The following ZNF146 variants were observed in gnomAD, a reference collection of about 807,000 sequenced individuals.
The protein encoded by ZNF146 is zinc finger protein OZF.
ZNF146 carries 9 observed loss-of-function variants against 22.2 expected under a neutral mutation model. That is an observed-to-expected ratio of 0.41 (90% CI 0.24 to 0.71). The LOEUF is 0.71. Among genes scored for constraint, ZNF146 ranks in the 30% least tolerant of loss-of-function variants. The pLI is 0.34. For missense variants in ZNF146, 194 were observed against 344.8 expected (o/e 0.56, Z 3.46); for synonymous variants, 108 against 119.2 (o/e 0.91, Z 0.61).
rs1977657731 is a variant in ZNF146, at chr19:36,236,723, A to G, written c.283A>G (p.Thr95Ala). The change falls in exon 4 of 4, where the codon ACT (threonine) becomes GCT (alanine). Residue 95 changes from threonine to alanine, a missense_variant. Coordinates refer to ENST00000443387, the MANE Select transcript of ZNF146 (RefSeq NM_007145.3). ...ENLLTHQKIH[T>A]GEKPFECKDC... ...CCTCCTTACGCACCAGAAAATTCAC[A>G]CTGGAGAAAAACCTTTTGAGTGTAA... 6.2e-7 allele frequency: 1 copy of G among 1,614,080 alleles called. No individual in the cohort carries two copies. Among genetic ancestry groups the G allele is most frequent in the African/African-American group, 1.3e-5 (1 of 74,944 alleles).
intron 3 of ZNF146, among the ~76,000 whole-genome samples, chr19:36,229,806 G>A (rs943882668): frequency 6.6e-6 from 1 of 152,160 alleles, no homozygotes; most frequent in Non-Finnish European, 1.5e-5. Flanking sequence ...TGCAACCTCC[G>A]CCTCCTGGGG....
Position 36,238,168 on chromosome 19 carries a change from A to G in ZNF146, c.*849A>G, listed in dbSNP as rs1487453596. On this transcript the variant is annotated 3_prime_UTR_variant, in exon 4 of 4. Coordinates refer to ENST00000443387, the MANE Select transcript of ZNF146 (RefSeq NM_007145.3). Reference sequence around the variant, plus strand: ...GTAAAATGCAACAAATGAAATCCACATGTATTAACAGAAAGATCCCAGAAT... The same window carrying G: ...GTAAAATGCAACAAATGAAATCCACGTGTATTAACAGAAAGATCCCAGAAT... 1 of 167,142 alleles carries G rather than the reference A, an allele frequency of 6.0e-6. No homozygotes were observed. The highest frequency in any genetic ancestry group is 2.4e-5 in the African/African-American group (1 of 41,480). 10.4% of individuals were successfully genotyped at this position (167,142 alleles called of 1,614,324 possible). A position where few individuals can be genotyped will look rare whatever the true frequency, so the allele number is the denominator to read the frequency against.
intron 2 of ZNF146, among the ~76,000 whole-genome samples, chr19:36,226,900 A>G (rs1977091083): frequency 6.6e-6 from 1 of 151,862 alleles, no homozygotes; most frequent in Admixed American, 6.6e-5. Flanking sequence ...TCAGCCTAAC[A>G]CAGAGAAACT....
intron 3 of ZNF146, among the ~76,000 whole-genome samples, chr19:36,232,592 G>GTTCTTTT (rs780038978): frequency 6.7e-6 from 1 of 149,138 alleles, no homozygotes; most frequent in African/African-American, 2.5e-5. Context: ...ATACTGATCA[G>GTTCTTTT]TTCTTTTTTC....
chr19:36,237,265 A>C lies in ZNF146; in HGVS notation c.825A>C (p.Lys275Asn). ...CTTATCAGTGCAGTGAATGTGGGAA[A>C]GCTTTCAGCCAGAAGTCACACCACA... is the stretch of plus-strand genomic sequence containing the variant. ...KKPYQCSECG[K>N]AFSQKSHHIR... The change falls in exon 4 of 4, where the codon AAA becomes AAC. Residue 275 changes from lysine to asparagine, a missense_variant. Transcript: ENST00000443387. The C allele has an allele frequency of 6.2e-7, 1 of 1,613,998 alleles. No homozygotes were observed. The highest frequency in any genetic ancestry group is 8.5e-7 in the Non-Finnish European group (1 of 1,179,896).
rs1296264062 is a variant in ZNF146 at position 36,228,813 on chromosome 19, T to C, written c.-789T>C. On this transcript the variant is annotated 5_prime_UTR_variant, in exon 3 of 4. Transcript: ENST00000443387. ...GGTGGAGAAAGAAGTGGGAAGGATC[T>C]GCGCGGGTGAGTAAATGACAGGCAG... is the stretch of plus-strand genomic sequence containing the variant. 6.6e-6 allele frequency: 1 copy of C among 152,256 alleles called. No homozygotes were observed. Among genetic ancestry groups the C allele is most frequent in the African/African-American group, 2.4e-5 (1 of 41,438 alleles). The allele number at this position is 152,256 out of a possible 1,614,324, so 9.4% of individuals were successfully genotyped here.
At chr19:36,218,308 TAAG>T (rs1976698521) in intron 2 of ZNF146, 113 bp downstream of exon 2, 1 of 152,034 alleles carries the variant, frequency 6.6e-6, no homozygotes, top group Non-Finnish European at 1.5e-5. Context: ...TGTAAAGTTC[TAAG>T]AATAGTCCCC....
intron 3 of ZNF146, among the ~76,000 whole-genome samples, chr19:36,233,626 G>C (rs1286078375): frequency 1.3e-5 from 2 of 152,098 alleles, no homozygotes; most frequent in South Asian, 2.1e-4. Context: ...GCAGGAAAAC[G>C]TGAACAAATG....
At chr19:36,230,870 C>G (rs1012981661) in intron 3 of ZNF146, among the ~76,000 whole-genome samples, 1 of 152,060 alleles carries the variant, frequency 6.6e-6, no homozygotes, top group African/African-American at 2.4e-5. Context: ...GGTGCGATCT[C>G]GGCTCACTGC....
At chr19:36,221,259 T>C (rs996529648) in intron 2 of ZNF146, among the ~76,000 whole-genome samples, 3 of 152,022 alleles carry the variant, frequency 2.0e-5, no homozygotes, top group Non-Finnish European at 4.4e-5. Context: ...TTGGGTTCAT[T>C]TGTTGTTTTC....
intron 1 of ZNF146, among the ~76,000 whole-genome samples, chr19:36,216,964 TG>T (rs200854497): frequency 0.011 from 1,650 of 147,604 alleles, 19 homozygotes; most frequent in South Asian, 0.027. Context: ...GAGGCTGAGG[TG>T]GGAGGATCAC....
intron 2 of ZNF146, among the ~76,000 whole-genome samples, chr19:36,227,869 T>C (rs987875060): frequency 2.0e-5 from 3 of 152,160 alleles, no homozygotes; most frequent in Non-Finnish European, 4.4e-5. Flanking sequence ...ACATCTCTAA[T>C]ATGAAATAGG....
At chr19:36,214,743 C>G (rs567877851), upstream of ZNF146, 1 of 152,290 alleles carries the variant, frequency 6.6e-6, no homozygotes, top group Admixed American at 6.5e-5. Context: ...GCTAGATCGG[C>G]CACGGACAGA....
rs922845360 is a variant in ZNF146 at position 36,238,205 on chromosome 19, G to A, written c.*886G>A. On this transcript the variant is annotated 3_prime_UTR_variant, in exon 4 of 4. Transcript: ENST00000443387. Reference sequence around the variant, plus strand: ...AAAGATCCCAGAATTGTTGAGGGGGGATCAAGTTGCAGAATGATACAGATA... The same window carrying A: ...AAAGATCCCAGAATTGTTGAGGGGGAATCAAGTTGCAGAATGATACAGATA... The A allele has an allele frequency of 1.2e-5, 2 of 167,076 alleles. No individual in the cohort carries two copies. The highest frequency in any genetic ancestry group is 2.4e-5 in the African/African-American group (1 of 41,456). 10.3% of individuals were successfully genotyped at this position (167,076 alleles called of 1,614,324 possible).
intron 3 of ZNF146, among the ~76,000 whole-genome samples, chr19:36,231,088 G>A (rs61413061): frequency 0.26 from 39,418 of 152,026 alleles, 5,515 homozygotes; most frequent in African/African-American, 0.37. Flanking sequence ...AAGGATATAC[G>A]TGACACGCGT....
intron 1 of ZNF146, among the ~76,000 whole-genome samples, chr19:36,216,188 A>G (rs1477638533): frequency 6.6e-6 from 1 of 152,244 alleles, no homozygotes; most frequent in Non-Finnish European, 1.5e-5. Flanking sequence ...AATATTTACA[A>G]TAGCAGTAAA....
At chr19:36,217,057 T>A (rs1298481807) in intron 1 of ZNF146, among the ~76,000 whole-genome samples, 3 of 69,598 alleles carry the variant, frequency 4.3e-5, no homozygotes, top group African/African-American at 1.5e-4. Context: ...GTCCCTGTCT[T>A]TTTTTTTTTT....
chr19:36,236,479 A>G lies in ZNF146; in HGVS notation c.39A>G (p.Glu13=), dbSNP rs574023719. 6.2e-7 allele frequency: 1 copy of G among 1,612,254 alleles called. No homozygotes were observed. Among genetic ancestry groups the G allele is most frequent in the Non-Finnish European group, 8.5e-7 (1 of 1,179,154 alleles). ...GCCAGCAGAGAATTTACAGTGGGGA[A>G]AACCCCTTTGCCTGTAAGGTATGTG... The part of the protein sequence containing the change: ...HLSQQRIYSG[E]NPFACKVCGK... Residue 13 remains glutamate, a synonymous_variant, in exon 4 of 4, where the codon GAA becomes GAG. Transcript: ENST00000443387.
intron 2 of ZNF146, among the ~76,000 whole-genome samples, chr19:36,227,547 C>T (rs1458740348): frequency 6.6e-6 from 1 of 152,036 alleles, no homozygotes; most frequent in Non-Finnish European, 1.5e-5. Flanking sequence ...CCACACCTGG[C>T]TTAAAAATGT....
Sources: allele counts gnomAD v4.1 joint callset (sites outside exome capture counted in the v4.1 genomes callset), GRCh38; gene constraint gnomAD v4.1.1; transcripts MANE v1.5; gene names NCBI Gene and HGNC (gene_info 2026-07-23, HGNC 2026-07-21).